NBAS: variants seen among roughly 807,000 people sequenced by gnomAD.
The protein encoded by NBAS is NAG/BC035112 fusion.
NBAS carries 219 observed loss-of-function variants against 302.5 expected under a neutral mutation model. That is an observed-to-expected ratio of 0.72 (90% confidence interval 0.65 to 0.81). NBAS has a LOEUF of 0.81. Among genes scored for constraint, NBAS ranks in the 30% least tolerant of loss-of-function variants. The pLI, the probability that NBAS is intolerant of heterozygous loss-of-function variation, is 0.00. For missense variants in NBAS, 2,932 were observed against 2,841.6 expected (o/e 1.03, Z -0.72); for synonymous variants, 1,118 against 1,021.6 (o/e 1.09, Z -1.80).
At chr2:15,217,425 G>A (rs1666702340) in intron 48 of NBAS, among the ~76,000 whole-genome samples, 1 of 152,196 alleles carries the variant, frequency 6.6e-6, no homozygotes. Flanking sequence ...TATTCGTGAT[G>A]AGGCCCAAAA....
intron 48 of NBAS, among the ~76,000 whole-genome samples, chr2:15,204,143 C>A (rs1257838246): frequency 6.6e-6 from 1 of 151,924 alleles, no homozygotes; most frequent in African/African-American, 2.4e-5. Context: ...TGCCTGCGGT[C>A]TCAGTGACTT....
intron 44 of NBAS, among the ~76,000 whole-genome samples, chr2:15,252,411 T>G (rs981722921): frequency 2.0e-5 from 3 of 151,896 alleles, no homozygotes; most frequent in African/African-American, 7.3e-5. Context: ...GGCAGGAGAA[T>G]CACTTGAACC....
the NBAS span, among the ~76,000 whole-genome samples, chr2:14,891,551 A>G: frequency 1.3e-5 from 2 of 152,178 alleles, no homozygotes; most frequent in Non-Finnish European, 2.9e-5. Flanking sequence ...CACCTTACCT[A>G]CATAATTTTA....
intron 11 of NBAS, among the ~76,000 whole-genome samples, chr2:15,502,973 C>T (rs1661651385): frequency 6.6e-6 from 1 of 152,172 alleles, no homozygotes; most frequent in Admixed American, 6.5e-5. Flanking sequence ...TCTTTACATT[C>T]TTGTTCTACA....
chr2:15,273,999 G>T (rs933208429), intron 44 of NBAS, among the ~76,000 whole-genome samples: 12 of 151,858 alleles, frequency 7.9e-5, no homozygotes, highest in African/African-American at 2.9e-4. Flanking sequence ...AGAATGGCAT[G>T]AACCCAGGAG....
At chr2:14,932,993 AAAG>A in the NBAS span, among the ~76,000 whole-genome samples, 2 of 152,230 alleles carry the variant, frequency 1.3e-5, no homozygotes, top group African/African-American at 2.4e-5. Flanking sequence ...TTTTTTGACG[AAAG>A]AAGGACGTTT....
At chr2:15,149,961 G>A in the NBAS span, among the ~76,000 whole-genome samples, 14,129 of 151,042 alleles carry the variant, frequency 0.094, 788 homozygotes, top group African/African-American at 0.15. Context: ...TGTAGTCCCA[G>A]TACTTTGAGA....
chr2:15,514,447 A>G (rs1662291687), intron 9 of NBAS, among the ~76,000 whole-genome samples: 1 of 152,212 alleles, frequency 6.6e-6, no homozygotes, highest in Non-Finnish European at 1.5e-5. Context: ...TTCATAAAAC[A>G]TACCTTTAAA....
chr2:14,833,860 T>C, the NBAS span, among the ~76,000 whole-genome samples: 1 of 152,120 alleles, frequency 6.6e-6, no homozygotes, highest in Non-Finnish European at 1.5e-5. Context: ...TCACTTGTTC[T>C]TTGAAATGTG....
the NBAS span, among the ~76,000 whole-genome samples, chr2:14,988,198 A>C: frequency 3.2e-4 from 49 of 151,758 alleles, no homozygotes; most frequent in African/African-American, 1.1e-3. Context: ...TATTTTACCA[A>C]CTCTTTTCTT....
At chr2:15,332,451 T>C (rs373713576) in intron 35 of NBAS, among the ~76,000 whole-genome samples, 66 of 152,298 alleles carry the variant, frequency 4.3e-4, no homozygotes, top group African/African-American at 1.6e-3. Context: ...GGAAAACATA[T>C]GTAAGCTATA....
At chr2:14,831,527 T>C in the NBAS span, among the ~76,000 whole-genome samples, 1 of 152,164 alleles carries the variant, frequency 6.6e-6, no homozygotes, top group Non-Finnish European at 1.5e-5. Context: ...ATATATTACA[T>C]AGTCATGCAA....
chr2:14,795,223 A>T, the NBAS span, among the ~76,000 whole-genome samples: 1 of 152,216 alleles, frequency 6.6e-6, no homozygotes, highest in Admixed American at 6.5e-5. Flanking sequence ...TCTCACTAGC[A>T]GTGTAAGATA....
the NBAS span, among the ~76,000 whole-genome samples, chr2:14,967,118 C>G: frequency 1.3e-5 from 2 of 151,978 alleles, no homozygotes; most frequent in East Asian, 3.9e-4. Flanking sequence ...ATAATGAAAA[C>G]TATAAAACAC....
chr2:15,427,836 C>T, intron 21 of NBAS, 42 bp from the exon 22 acceptor site: 1 of 1,454,962 alleles, frequency 6.9e-7, no homozygotes, highest in Non-Finnish European at 9.5e-7. Context: ...TTCACATTAC[C>T]TCAATGACTT....
intron 10 of NBAS, among the ~76,000 whole-genome samples, chr2:15,509,856 TC>T (rs58538973): frequency 0.59 from 88,979 of 151,352 alleles, 26,714 homozygotes; most frequent in Middle Eastern, 0.64. Flanking sequence ...AGTGCTCACT[TC>T]CTTTTTTTTT....
chr2:15,287,667 G>C (rs1048016982), intron 41 of NBAS, among the ~76,000 whole-genome samples: 1 of 151,102 alleles, frequency 6.6e-6, no homozygotes, highest in Non-Finnish European at 1.5e-5. Context: ...ACCATGTGTA[G>C]GCAGTCCCGT....
chr2:14,782,818 G>A, the NBAS span, among the ~76,000 whole-genome samples: 1 of 152,084 alleles, frequency 6.6e-6, no homozygotes, highest in African/African-American at 2.4e-5. Context: ...GACATGGATA[G>A]AGCTGGAGGC....
chr2:15,145,454 T>G, the NBAS span, among the ~76,000 whole-genome samples: 1 of 150,688 alleles, frequency 6.6e-6, no homozygotes, highest in Non-Finnish European at 1.5e-5. Flanking sequence ...TAGTGTATGG[T>G]GGGTGATTTA....
Sources: allele counts gnomAD v4.1 joint callset (sites outside exome capture counted in the v4.1 genomes callset), GRCh38; gene constraint gnomAD v4.1.1; transcripts MANE v1.5; gene names NCBI Gene and HGNC (gene_info 2026-07-23, HGNC 2026-07-21).